The following DDX60 variants were observed in gnomAD, a reference collection of about 807,000 sequenced individuals.
DDX60 encodes the protein probable ATP-dependent RNA helicase DDX60.
A neutral mutation model predicts 212.8 loss-of-function variants in DDX60; 165 were observed. The observed-to-expected ratio is 0.78, with a 90% CI of 0.68 to 0.88. DDX60 has a LOEUF of 0.88. DDX60 is among the 40% of genes least tolerant of loss of function. The pLI is 0.00. For missense variants in DDX60, 1,905 were observed against 2,003.9 expected (o/e 0.95, Z 0.94); for synonymous variants, 703 against 685.3 (o/e 1.03, Z -0.40).
At chr4:168,220,524 T>G (rs1221267694) in intron 37 of DDX60, 131 bp downstream of exon 37, 1 of 558,738 alleles carries the variant, frequency 1.8e-6, no homozygotes, top group Non-Finnish European at 3.2e-6. Context: ...CTTTGGGGAG[T>G]TGAAATGCAT....
chr4:168,251,263 C>G (rs1235453546), intron 27 of DDX60, among the ~76,000 whole-genome samples, 157 bp from the exon 28 acceptor site: 4 of 152,222 alleles, frequency 2.6e-5, no homozygotes, highest in Admixed American at 1.3e-4. Flanking sequence ...ATGGCAGCAA[C>G]AGTAACTACA....
Position 168,217,028 on chromosome 4 carries a change from A to C in DDX60, c.5044T>G (p.Ser1682Ala), listed in dbSNP as rs1402090075. The change falls in exon 38 of 38, where the codon TCC becomes GCC. Residue 1682 changes from serine to alanine, a missense_variant. By Grantham distance (99) the Ser-to-Ala change is moderately conservative. Coordinates refer to ENST00000393743, the MANE Select transcript of DDX60 (RefSeq NM_017631.6). ...FALTIKSISV[S>A]LRELCENEDD... Reference sequence around the variant, plus strand: ...TCATTTTCACATAGCTCACGCAAGGAAACACTGGAAATGGGGAAAAAAATA... The same window carrying C: ...TCATTTTCACATAGCTCACGCAAGGCAACACTGGAAATGGGGAAAAAAATA... 19 of 1,602,116 alleles carry C rather than the reference A, an allele frequency of 1.2e-5. No individual in the cohort carries two copies. Among genetic ancestry groups the C allele is most frequent in the Non-Finnish European group, 1.4e-5 (17 of 1,175,446 alleles).
intron 5 of DDX60, 145 bp from the exon 6 acceptor site, chr4:168,302,561 A>C: frequency 4.6e-6 from 2 of 430,438 alleles, no homozygotes; most frequent in Non-Finnish European, 8.2e-6. Flanking sequence ...TGTAAGTTTT[A>C]AACCCCATTG....
chr4:168,234,065 T>C (rs1733548377), intron 33 of DDX60, among the ~76,000 whole-genome samples: 1 of 152,068 alleles, frequency 6.6e-6, no homozygotes, highest in Non-Finnish European at 1.5e-5. Context: ...TAGCTTCCAT[T>C]ATTTTGATTA....
chr4:168,321,983 A>G (rs1296173163), upstream of DDX60, among the ~76,000 whole-genome samples: 1 of 152,156 alleles, frequency 6.6e-6, no homozygotes, highest in African/African-American at 2.4e-5. Flanking sequence ...TCTTTTCAGC[A>G]TGGTGCCCTG....
At chr4:168,261,043 T>A (rs1397646618) in intron 24 of DDX60, 54 bp from the exon 25 acceptor site, 8 of 1,549,788 alleles carry the variant, frequency 5.2e-6, no homozygotes, top group Non-Finnish European at 6.9e-6. Flanking sequence ...AGAAAGAAAT[T>A]ACTACTTTTT....
chr4:168,294,476 C>T (rs112620539), intron 6 of DDX60, among the ~76,000 whole-genome samples: 53 of 146,534 alleles, frequency 3.6e-4, no homozygotes, highest in African/African-American at 1.1e-3. Flanking sequence ...ATTTTGCAAA[C>T]GATACATTTA....
At position 168,267,587 on chromosome 4, in the gene DDX60, CTGT is replaced by C; in HGVS notation, c.3031_3033del (p.Thr1011del). 6.5e-7 allele frequency: 1 copy of C among 1,532,746 alleles called. No individual in the cohort carries two copies. The highest frequency in any genetic ancestry group is 8.8e-7 in the Non-Finnish European group (1 of 1,133,632). 94.9% of individuals were successfully genotyped at this position (1,532,746 alleles called of 1,614,324 possible). On this transcript the variant is annotated inframe_deletion, in exon 22 of 38. Transcript: ENST00000393743. The stretch of plus-strand genomic sequence containing the variant: ...ATGGCTAAAATATTACCTACATGAT[CTGT>C]TGTTAGTGCAGCACATGGGTGAAAA...
At chr4:168,266,606 C>T (rs892199211) in intron 22 of DDX60, among the ~76,000 whole-genome samples, 6 of 152,022 alleles carry the variant, frequency 3.9e-5, no homozygotes, top group African/African-American at 7.2e-5. Context: ...ATTTGGCATC[C>T]GGTTTGAAAT....
intron 29 of DDX60, 122 bp from the exon 30 acceptor site, chr4:168,246,740 G>T: frequency 1.0e-6 from 1 of 989,246 alleles, no homozygotes; most frequent in Non-Finnish European, 1.5e-6. Context: ...AACCATTAAG[G>T]AACGGACACT....
At chr4:168,279,996 G>A (rs1042553576) in intron 14 of DDX60, among the ~76,000 whole-genome samples, 5 of 152,166 alleles carry the variant, frequency 3.3e-5, no homozygotes, top group Non-Finnish European at 7.3e-5. Flanking sequence ...GCTCACGTCC[G>A]TAATCCCAGC....
chr4:168,234,426 G>A (rs1733562717), intron 33 of DDX60, among the ~76,000 whole-genome samples: 1 of 151,480 alleles, frequency 6.6e-6, no homozygotes, highest in South Asian at 2.1e-4. Context: ...TACCTTGGAT[G>A]CTTTCTATTA....
At chr4:168,257,682 A>T (rs1458600998) in intron 25 of DDX60, among the ~76,000 whole-genome samples, 1 of 152,246 alleles carries the variant, frequency 6.6e-6, no homozygotes, top group Non-Finnish European at 1.5e-5. Context: ...TTGCCTCTTA[A>T]ATCTCTCTGA....
At chr4:168,276,888 C>T (rs1426280202) in intron 14 of DDX60, among the ~76,000 whole-genome samples, 1 of 152,164 alleles carries the variant, frequency 6.6e-6, no homozygotes, top group Non-Finnish European at 1.5e-5. Context: ...GAGCAGTTCA[C>T]TTAGAAAAAC....
intron 6 of DDX60, among the ~76,000 whole-genome samples, chr4:168,301,117 C>T (rs979521350): frequency 6.6e-6 from 1 of 152,012 alleles, no homozygotes; most frequent in African/African-American, 2.4e-5. Context: ...AATAAAATAA[C>T]TTTCTGTGTA....
At chr4:168,222,805 A>T (rs1249272023) in intron 35 of DDX60, among the ~76,000 whole-genome samples, 1 of 152,128 alleles carries the variant, frequency 6.6e-6, no homozygotes, top group Non-Finnish European at 1.5e-5. Flanking sequence ...ACTATTGCAC[A>T]TACGCACGAG....
intron 6 of DDX60, among the ~76,000 whole-genome samples, chr4:168,294,481 CATTTATTTATTTATTT>C (rs4058259): frequency 2.0e-5 from 3 of 149,182 alleles, no homozygotes; most frequent in Non-Finnish European, 4.5e-5. Flanking sequence ...GCAAACGATA[CATTTATTTATTTATTT>C]ATTTATTTAT....
intron 22 of DDX60, among the ~76,000 whole-genome samples, chr4:168,263,177 G>A (rs934975317): frequency 6.6e-6 from 1 of 152,112 alleles, no homozygotes; most frequent in African/African-American, 2.4e-5. Context: ...ACTTTTATGT[G>A]TACCAAGCCA....
At chr4:168,244,133 A>C (rs1733942789) in intron 30 of DDX60, among the ~76,000 whole-genome samples, 1 of 152,178 alleles carries the variant, frequency 6.6e-6, no homozygotes, top group South Asian at 2.1e-4. Flanking sequence ...ATCAGGAAAA[A>C]TAACTAATGC....
Sources: gnomAD v4.1 joint callset for allele counts (sites outside exome capture counted in the v4.1 genomes callset) on GRCh38, gnomAD v4.1.1 for gene constraint, MANE v1.5 for transcripts, NCBI Gene and HGNC (gene_info 2026-07-23, HGNC 2026-07-21) for gene names.